PNMA6A: variants seen among roughly 807,000 people sequenced by gnomAD.
PNMA6A encodes PNMA family member 6A, also known as paraneoplastic antigen-like protein 6A.
For missense variants in PNMA6A, 8 were observed against 103.5 expected (o/e 0.08, Z 4.00); for synonymous variants, 2 against 49.3 (o/e 0.04, Z 4.02).
chrX:153,074,356 G>T lies in PNMA6A; in HGVS notation c.*94G>T. 2.4e-6 allele frequency: 2 copies of T among 827,686 alleles called. No homozygotes were observed. The highest frequency in any genetic ancestry group is 3.4e-6 in the Non-Finnish European group (2 of 589,162). 68.2% of individuals were successfully genotyped at this position (827,686 alleles called of 1,213,427 possible). Reference sequence around the variant, plus strand: ...TCCTCTCCTCCTCTCAGGCAGCAGGGCCCTGGAGACAGGCGGAGGCGGGGC... The same window carrying T: ...TCCTCTCCTCCTCTCAGGCAGCAGGTCCCTGGAGACAGGCGGAGGCGGGGC... On this transcript the variant is annotated 3_prime_UTR_variant, in exon 2 of 2. Transcript: ENST00000421798.
In PNMA6A at chrX:153,074,320, G is replaced by A; in HGVS notation, c.*58G>A. 2.1e-6 allele frequency: 1 copy of A among 484,934 alleles called. No individual in the cohort carries two copies. Among genetic ancestry groups the A allele is most frequent in the Non-Finnish European group, 3.6e-6 (1 of 281,443 alleles). The allele number at this position is 484,934 out of a possible 1,213,427, so 40.0% of individuals were successfully genotyped here. ...CTCCCCGGGCAAATAGGCTCCGAGG[G>A]CCCCGGGGCCTCCTCTCCTCCTCTC... On this transcript the variant is annotated 3_prime_UTR_variant, in exon 2 of 2. Coordinates refer to ENST00000421798, the MANE Select transcript of PNMA6A (RefSeq NM_032882.6).
At position 153,074,670 on chromosome X, in the gene PNMA6A, C is replaced by T; in HGVS notation, c.*408C>T. 5.6e-6 allele frequency: 1 copy of T among 179,723 alleles called. No homozygotes were observed. Among genetic ancestry groups the T allele is most frequent in the Admixed American group, 7.2e-5 (1 of 13,856 alleles). 14.8% of individuals were successfully genotyped at this position (179,723 alleles called of 1,213,427 possible). On this transcript the variant is annotated 3_prime_UTR_variant, in exon 2 of 2. Coordinates refer to ENST00000421798, the MANE Select transcript of PNMA6A (RefSeq NM_032882.6). ...GTGTGTGTTCTTCTCTGAGCAGCTC[C>T]TCCCCAGAGGACCCCAGCGCAGTCC...
rs1441602237 is a variant in PNMA6A at position 153,074,388 on chromosome X, C to T, written c.*126C>T. 31 of 825,542 alleles carry T rather than the reference C, an allele frequency of 3.8e-5. No homozygotes were observed. In the Admixed American group the frequency reaches 3.9e-4, roughly 10 times the overall value. The allele number at this position is 825,542 out of a possible 1,213,427, so 68.0% of individuals were successfully genotyped here. ...AGACAGGCGGAGGCGGGGCCAGGGC[C>T]GGTCCCTCACCCCACATCGGGATCG... On this transcript the variant is annotated 3_prime_UTR_variant, in exon 2 of 2. Transcript: ENST00000421798.
Position 153,074,688 on chromosome X carries a change from C to G in PNMA6A, c.*426C>G, listed in dbSNP as rs1206182863. 1.2e-5 allele frequency: 2 copies of G among 162,816 alleles called. No homozygotes were observed. The highest frequency in any genetic ancestry group is 3.2e-5 in the African/African-American group (1 of 31,688). The allele number at this position is 162,816 out of a possible 1,213,427, so 13.4% of individuals were successfully genotyped here. Reference sequence around the variant, plus strand: ...GCAGCTCCTCCCCAGAGGACCCCAGCGCAGTCCCGGGAGATGGCGGAAAGA... The same window carrying G: ...GCAGCTCCTCCCCAGAGGACCCCAGGGCAGTCCCGGGAGATGGCGGAAAGA... On this transcript the variant is annotated 3_prime_UTR_variant, in exon 2 of 2. Transcript: ENST00000421798.
rs1446905549 is a variant in PNMA6A at position 153,074,645 on chromosome X, G to A, written c.*383G>A. On this transcript the variant is annotated 3_prime_UTR_variant, in exon 2 of 2. Transcript: ENST00000421798. Reference sequence around the variant, plus strand: ...AGGGGCTGCTTGTTTTTGTGGAGCCGTGTGTGTTCTTCTCTGAGCAGCTCC... The same window carrying A: ...AGGGGCTGCTTGTTTTTGTGGAGCCATGTGTGTTCTTCTCTGAGCAGCTCC... 9.7e-6 allele frequency: 2 copies of A among 205,899 alleles called. No homozygotes were observed. The highest frequency in any genetic ancestry group is 9.5e-5 in the South Asian group (1 of 10,485). The allele number at this position is 205,899 out of a possible 1,213,427, so 17.0% of individuals were successfully genotyped here.
At position 153,074,380 on chromosome X, in the gene PNMA6A, GC is replaced by G; in HGVS notation, c.*120del. The G allele has an allele frequency of 1.2e-6, 1 of 865,377 alleles. No homozygotes were observed. Among genetic ancestry groups the G allele is most frequent in the Non-Finnish European group, 1.6e-6 (1 of 624,706 alleles). The allele number at this position is 865,377 out of a possible 1,213,427, so 71.3% of individuals were successfully genotyped here. ...GGCCCTGGAGACAGGCGGAGGCGGG[GC>G]CAGGGCCGGTCCCTCACCCCACATC... On this transcript the variant is annotated 3_prime_UTR_variant, in exon 2 of 2. Coordinates refer to ENST00000421798, the MANE Select transcript of PNMA6A (RefSeq NM_032882.6).
chrX:153,074,486 A>C lies in PNMA6A; in HGVS notation c.*224A>C. The stretch of plus-strand genomic sequence containing the variant: ...GGTGACCCAGATGACCACATTTAAT[A>C]CCAAATGGGGTGGGGGGAGGCGCCC... On this transcript the variant is annotated 3_prime_UTR_variant, in exon 2 of 2. Coordinates refer to ENST00000421798, the MANE Select transcript of PNMA6A (RefSeq NM_032882.6). The C allele has an allele frequency of 2.3e-6, 1 of 435,966 alleles. No homozygotes were observed. The highest frequency in any genetic ancestry group is 4.1e-5 in the East Asian group (1 of 24,652). The allele number at this position is 435,966 out of a possible 1,213,427, so 35.9% of individuals were successfully genotyped here. A position where few individuals can be genotyped will look rare whatever the true frequency, so the allele number is the denominator to read the frequency against.
At position 153,074,368 on chromosome X, in the gene PNMA6A, G is replaced by T; in HGVS notation, c.*106G>T. The T allele has an allele frequency of 2.3e-6, 2 of 882,420 alleles. No individual in the cohort carries two copies. Among genetic ancestry groups the T allele is most frequent in the Non-Finnish European group, 3.1e-6 (2 of 639,173 alleles). 72.7% of individuals were successfully genotyped at this position (882,420 alleles called of 1,213,427 possible). On this transcript the variant is annotated 3_prime_UTR_variant, in exon 2 of 2. Coordinates refer to ENST00000421798, the MANE Select transcript of PNMA6A (RefSeq NM_032882.6). ...CTCAGGCAGCAGGGCCCTGGAGACA[G>T]GCGGAGGCGGGGCCAGGGCCGGTCC...
At position 153,074,812 on chromosome X, in the gene PNMA6A, T is replaced by G. The variant is rs2301187; in HGVS notation, c.*550T>G. On this transcript the variant is annotated 3_prime_UTR_variant, in exon 2 of 2. Transcript: ENST00000421798. ...CCGGGATGGAGTGGGGCTGTCTGAG[T>G]TTCCCCAGTGAACTTTGTGCTTTGG... The G allele has an allele frequency of 0.15, 19,435 of 126,746 alleles. 2,176 individuals are homozygous for G. Among genetic ancestry groups the G allele is most frequent in the East Asian group, 0.41 (1,422 of 3,442 alleles). 10.4% of individuals were successfully genotyped at this position (126,746 alleles called of 1,213,427 possible).
Position 153,074,539 on chromosome X carries a change from GC to G in PNMA6A, c.*278del, listed in dbSNP as rs1490884790. ...CCAGTGCCAGGGGCACGTGCTGTGA[GC>G]TTCCTGGGAGCCCAGGTTGTGCTCA... On this transcript the variant is annotated 3_prime_UTR_variant, in exon 2 of 2. Coordinates refer to ENST00000421798, the MANE Select transcript of PNMA6A (RefSeq NM_032882.6). The G allele has an allele frequency of 5.4e-6, 2 of 371,666 alleles. No individual in the cohort carries two copies. The highest frequency in any genetic ancestry group is 9.7e-6 in the Non-Finnish European group (2 of 205,197). The allele number at this position is 371,666 out of a possible 1,213,427, so 30.6% of individuals were successfully genotyped here.
chrX:153,074,426 T>TC lies in PNMA6A; in HGVS notation c.*170dup. ...CACATCGGGATCGGGGCCCCCCACT[T>TC]CCCCCCAAGGGGCCCTGCCCACCAC... On this transcript the variant is annotated 3_prime_UTR_variant, in exon 2 of 2. Transcript: ENST00000421798. The TC allele has an allele frequency of 1.7e-6, 1 of 577,521 alleles. No homozygotes were observed. The highest frequency in any genetic ancestry group is 2.7e-6 in the Non-Finnish European group (1 of 369,996). The allele number at this position is 577,521 out of a possible 1,213,427, so 47.6% of individuals were successfully genotyped here.
rs1237984209 is a variant in PNMA6A at position 153,074,406 on chromosome X, C to A, written c.*144C>A. 5 of 743,502 alleles carry A rather than the reference C, an allele frequency of 6.7e-6. No homozygotes were observed. In the African/African-American group the frequency reaches 8.4e-5, roughly 13 times the overall value. 61.3% of individuals were successfully genotyped at this position (743,502 alleles called of 1,213,427 possible). ...CCAGGGCCGGTCCCTCACCCCACAT[C>A]GGGATCGGGGCCCCCCACTTCCCCC... On this transcript the variant is annotated 3_prime_UTR_variant, in exon 2 of 2. Transcript: ENST00000421798.
chrX:153,074,477 A>G lies in PNMA6A; in HGVS notation c.*215A>G, dbSNP rs1360347555. On this transcript the variant is annotated 3_prime_UTR_variant, in exon 2 of 2. Coordinates refer to ENST00000421798, the MANE Select transcript of PNMA6A (RefSeq NM_032882.6). ...CACCTTCCCGGTGACCCAGATGACCACATTTAATACCAAATGGGGTGGGGG... is the reference window on the plus strand; with the variant it reads ...CACCTTCCCGGTGACCCAGATGACCGCATTTAATACCAAATGGGGTGGGGG... 4.5e-6 allele frequency: 2 copies of G among 449,009 alleles called. No individual in the cohort carries two copies. Among genetic ancestry groups the G allele is most frequent in the Admixed American group, 4.2e-5 (1 of 23,542 alleles). The allele number at this position is 449,009 out of a possible 1,213,427, so 37.0% of individuals were successfully genotyped here. A position where few individuals can be genotyped will look rare whatever the true frequency, so the allele number is the denominator to read the frequency against.
In PNMA6A at chrX:153,074,891, T is replaced by C. The variant is rs1352314416; in HGVS notation, c.*629T>C. 1 of 125,252 alleles carries C rather than the reference T, an allele frequency of 8.0e-6. No individual in the cohort carries two copies. Among genetic ancestry groups the C allele is most frequent in the African/African-American group, 3.3e-5 (1 of 30,766 alleles). The allele number at this position is 125,252 out of a possible 1,213,427, so 10.3% of individuals were successfully genotyped here. On this transcript the variant is annotated 3_prime_UTR_variant, in exon 2 of 2. Coordinates refer to ENST00000421798, the MANE Select transcript of PNMA6A (RefSeq NM_032882.6). ...GAGTTTCCTAGACCTGGGGTGGGTGTTCCCCCAGGAGGAGGGGGGTCCCGA... is the reference window on the plus strand; with the variant it reads ...GAGTTTCCTAGACCTGGGGTGGGTGCTCCCCCAGGAGGAGGGGGGTCCCGA...
chrX:153,074,301 G>C lies in PNMA6A; in HGVS notation c.*39G>C. On this transcript the variant is annotated 3_prime_UTR_variant, in exon 2 of 2. Transcript: ENST00000421798. ...AGGCAGCCCAGCGCGAGTCCTCCCC[G>C]GGCAAATAGGCTCCGAGGGCCCCGG... is the stretch of plus-strand genomic sequence containing the variant. The C allele has an allele frequency of 2.3e-6, 1 of 436,317 alleles. No homozygotes were observed. Among genetic ancestry groups the C allele is most frequent in the Non-Finnish European group, 4.1e-6 (1 of 242,075 alleles). 36.0% of individuals were successfully genotyped at this position (436,317 alleles called of 1,213,427 possible). A position where few individuals can be genotyped will look rare whatever the true frequency, so the allele number is the denominator to read the frequency against.
rs2124058052 is a variant in PNMA6A, at chrX:153,074,458, C to T, written c.*196C>T. 2 of 484,479 alleles carry T rather than the reference C, an allele frequency of 4.1e-6. No individual in the cohort carries two copies. Among genetic ancestry groups the T allele is most frequent in the East Asian group, 7.5e-5 (2 of 26,762 alleles). The allele number at this position is 484,479 out of a possible 1,213,427, so 39.9% of individuals were successfully genotyped here. On this transcript the variant is annotated 3_prime_UTR_variant, in exon 2 of 2. Coordinates refer to ENST00000421798, the MANE Select transcript of PNMA6A (RefSeq NM_032882.6). The stretch of plus-strand genomic sequence containing the variant: ...AAGGGGCCCTGCCCACCACCACCTT[C>T]CCGGTGACCCAGATGACCACATTTA...
chrX:153,074,348 GCAGCAGGGC>G lies in PNMA6A; in HGVS notation c.*88_*96del. On this transcript the variant is annotated 3_prime_UTR_variant, in exon 2 of 2. Coordinates refer to ENST00000421798, the MANE Select transcript of PNMA6A (RefSeq NM_032882.6). Reference sequence around the variant, plus strand: ...CCGGGGCCTCCTCTCCTCCTCTCAGGCAGCAGGGCCCTGGAGACAGGCGGAGGCGGGGCC... The same window carrying G: ...CCGGGGCCTCCTCTCCTCCTCTCAGGCCTGGAGACAGGCGGAGGCGGGGCC... The G allele has an allele frequency of 1.3e-6, 1 of 751,565 alleles. No homozygotes were observed. The highest frequency in any genetic ancestry group is 1.9e-6 in the Non-Finnish European group (1 of 519,400). 61.9% of individuals were successfully genotyped at this position (751,565 alleles called of 1,213,427 possible). A position where few individuals can be genotyped will look rare whatever the true frequency, so the allele number is the denominator to read the frequency against.
rs2301187 is a variant in PNMA6A, at chrX:153,074,812, T to C, written c.*550T>C. On this transcript the variant is annotated 3_prime_UTR_variant, in exon 2 of 2. Transcript: ENST00000421798. The stretch of plus-strand genomic sequence containing the variant: ...CCGGGATGGAGTGGGGCTGTCTGAG[T>C]TTCCCCAGTGAACTTTGTGCTTTGG... The C allele has an allele frequency of 1.6e-5, 2 of 126,734 alleles. No homozygotes were observed. Among genetic ancestry groups the C allele is most frequent in the African/African-American group, 6.6e-5 (2 of 30,119 alleles). The allele number at this position is 126,734 out of a possible 1,213,427, so 10.4% of individuals were successfully genotyped here.
rs1038186736 is a variant in PNMA6A at position 153,074,422 on chromosome X, C to G, written c.*160C>G. 5.2e-4 allele frequency: 315 copies of G among 604,948 alleles called. No individual in the cohort carries two copies. Among genetic ancestry groups the G allele is most frequent in the Non-Finnish European group, 7.4e-4 (292 of 393,375 alleles). The allele number at this position is 604,948 out of a possible 1,213,427, so 49.9% of individuals were successfully genotyped here. On this transcript the variant is annotated 3_prime_UTR_variant, in exon 2 of 2. Coordinates refer to ENST00000421798, the MANE Select transcript of PNMA6A (RefSeq NM_032882.6). ...ACCCCACATCGGGATCGGGGCCCCCCACTTCCCCCCAAGGGGCCCTGCCCA... is the reference window on the plus strand; with the variant it reads ...ACCCCACATCGGGATCGGGGCCCCCGACTTCCCCCCAAGGGGCCCTGCCCA...
Sources: gnomAD v4.1 joint callset for allele counts on GRCh38, gnomAD v4.1.1 for gene constraint, MANE v1.5 for transcripts, NCBI Gene and HGNC (gene_info 2026-07-23, HGNC 2026-07-21) for gene names.